CNTNAP5: variants seen among roughly 807,000 people sequenced by gnomAD.
CNTNAP5 encodes the protein contactin-associated protein-like 5.
Under a neutral mutation model 150.2 loss-of-function variants are expected in CNTNAP5, and 72 were observed. That is an observed-to-expected ratio of 0.48 (90% CI 0.40 to 0.58). The LOEUF is 0.58. Among genes scored for constraint, CNTNAP5 ranks in the 20% least tolerant of loss-of-function variants. CNTNAP5 has a pLI of 0.00. For synonymous variants in CNTNAP5, 672 were observed against 619.8 expected (o/e 1.08, Z -1.25); for missense variants, 1,636 against 1,626.2 (o/e 1.01, Z -0.10).
chr2:124,451,750 A>C (rs1445979569), intron 6 of CNTNAP5, among the ~76,000 whole-genome samples: 1 of 152,092 alleles, frequency 6.6e-6, no homozygotes, highest in African/African-American at 2.4e-5. Flanking sequence ...ATCATCCCAC[A>C]AAAGGAGGAT....
intron 14 of CNTNAP5, among the ~76,000 whole-genome samples, chr2:124,761,403 C>T (rs11899245): frequency 0.18 from 27,123 of 152,064 alleles, 3,205 homozygotes; most frequent in Middle Eastern, 0.28. Context: ...TTTATTGGTC[C>T]AGTCAGTGTG....
At chr2:124,192,408 T>A (rs1573823875) in intron 1 of CNTNAP5, among the ~76,000 whole-genome samples, 1 of 152,092 alleles carries the variant, frequency 6.6e-6, no homozygotes, top group African/African-American at 2.4e-5. Flanking sequence ...ACTGTGGCTG[T>A]CTAGGGTGAT....
intron 3 of CNTNAP5, among the ~76,000 whole-genome samples, chr2:124,391,816 C>T (rs56121610): frequency 0.1 from 15,732 of 151,878 alleles, 1,184 homozygotes; most frequent in African/African-American, 0.22. Flanking sequence ...ATTAGCCGGG[C>T]GCGGTGGCGG....
intron 1 of CNTNAP5, among the ~76,000 whole-genome samples, chr2:124,166,534 G>C (rs1573805175): frequency 6.6e-6 from 1 of 152,116 alleles, no homozygotes; most frequent in Admixed American, 6.6e-5. Flanking sequence ...AGATCATTCA[G>C]CTACTTATTG....
intron 13 of CNTNAP5, among the ~76,000 whole-genome samples, chr2:124,684,724 A>C (rs1336052085): frequency 6.6e-6 from 1 of 152,198 alleles, no homozygotes; most frequent in Non-Finnish European, 1.5e-5. Flanking sequence ...GATAGCTCTT[A>C]TTTAATTATT....
intron 12 of CNTNAP5, among the ~76,000 whole-genome samples, chr2:124,625,703 A>G (rs1027288191): frequency 6.6e-6 from 1 of 152,172 alleles, no homozygotes; most frequent in Non-Finnish European, 1.5e-5. Flanking sequence ...TTTACTGCAG[A>G]TAACTGGTGA....
intron 13 of CNTNAP5, among the ~76,000 whole-genome samples, chr2:124,687,554 G>T (rs1366440245): frequency 6.6e-6 from 1 of 151,846 alleles, no homozygotes; most frequent in Non-Finnish European, 1.5e-5. Context: ...TCTCTTGAGT[G>T]CTTGGAGAAT....
chr2:124,756,801 A>G (rs1437386743), intron 14 of CNTNAP5, among the ~76,000 whole-genome samples: 2 of 152,134 alleles, frequency 1.3e-5, no homozygotes, highest in Admixed American at 6.6e-5. Flanking sequence ...AGCATCAGGA[A>G]GAATAGCTAC....
At chr2:124,866,025 A>G (rs1677624499) in intron 20 of CNTNAP5, among the ~76,000 whole-genome samples, 1 of 151,892 alleles carries the variant, frequency 6.6e-6, no homozygotes, top group African/African-American at 2.4e-5. Flanking sequence ...ACACTTTGGG[A>G]GGCTGAGGCA....
chr2:124,569,773 G>A (rs1349529760), intron 11 of CNTNAP5, among the ~76,000 whole-genome samples: 2 of 152,162 alleles, frequency 1.3e-5, no homozygotes, highest in African/African-American at 4.8e-5. Flanking sequence ...GCCTGATGTA[G>A]TGCTTCTTCT....
chr2:124,457,011 A>G (rs1693135199), intron 6 of CNTNAP5, among the ~76,000 whole-genome samples: 1 of 152,232 alleles, frequency 6.6e-6, no homozygotes, highest in Non-Finnish European at 1.5e-5. Context: ...TTGGGCAAAG[A>G]TTTCATGACT....
chr2:124,500,519 A>G (rs1040192125), intron 7 of CNTNAP5, among the ~76,000 whole-genome samples: 2 of 152,140 alleles, frequency 1.3e-5, no homozygotes, highest in African/African-American at 4.8e-5. Flanking sequence ...CAAGTGTGAT[A>G]ATATATCCAA....
At position 124,670,134 on chromosome 2, in the gene CNTNAP5, T is replaced by TTCCTTCCC. The variant is rs1678783677; in HGVS notation, c.2077+22183_2077+22184insCTCCTTCC. On this transcript the variant is annotated intron_variant, in intron 13 of 23. Transcript: ENST00000682447. ...CCTTCCTTTCCTTTTCCTTCCTTCT[T>TTCCTTCCC]TCCTTCCTTCCTTCCTTCCTTCCTT... is the stretch of plus-strand genomic sequence containing the variant. Among the ~76,000 whole-genome samples, 6 of 6,960 alleles carry TTCCTTCCC rather than the reference T, an allele frequency of 8.6e-4. No individual in the cohort carries two copies. In the Admixed American group the frequency reaches 0.02, roughly 24 times the overall value. The allele number at this position is 6,960 out of a possible 152,430, so 4.6% of individuals were successfully genotyped here.
intron 21 of CNTNAP5, among the ~76,000 whole-genome samples, chr2:124,880,375 A>C (rs1284777639): frequency 6.6e-6 from 1 of 152,122 alleles, no homozygotes; most frequent in African/African-American, 2.4e-5. Flanking sequence ...TAAATAAGTA[A>C]ATCATTCTAC....
chr2:124,034,321 A>G (rs1297626312), intron 1 of CNTNAP5, among the ~76,000 whole-genome samples: 3 of 152,226 alleles, frequency 2.0e-5, no homozygotes, highest in African/African-American at 7.2e-5. Context: ...TCTCATAATA[A>G]CTAATAATAC....
At chr2:124,148,851 TATAG>T (rs1165409117) in intron 1 of CNTNAP5, among the ~76,000 whole-genome samples, 1 of 148,982 alleles carries the variant, frequency 6.7e-6, no homozygotes, top group East Asian at 1.9e-4. Flanking sequence ...ACTATGCATC[TATAG>T]AGAGAGAGGT....
At chr2:124,813,575 C>T (rs1682286822) in intron 19 of CNTNAP5, among the ~76,000 whole-genome samples, 1 of 151,664 alleles carries the variant, frequency 6.6e-6, no homozygotes, top group African/African-American at 2.4e-5. Flanking sequence ...ACTTGGTTGT[C>T]CCCTAGGCCT....
At chr2:124,208,036 C>A (rs1420793109) in intron 1 of CNTNAP5, among the ~76,000 whole-genome samples, 1 of 152,138 alleles carries the variant, frequency 6.6e-6, no homozygotes, top group Non-Finnish European at 1.5e-5. Context: ...GTAGAGCATG[C>A]TGAAGTATTT....
rs552910450 is a variant in CNTNAP5, at chr2:124,282,205, C to T, written c.381+39812C>T. Among the ~76,000 whole-genome samples the T allele has an allele frequency of 2.0e-5, 3 of 152,198 alleles. No individual in the cohort carries two copies. In the East Asian group the frequency reaches 5.8e-4, roughly 29 times the overall value. Reference sequence around the variant, plus strand: ...ATCTGACACACTTGTGTTTGAATGCCAGATTATTAGTATACTAACGGTGCA... The same window carrying T: ...ATCTGACACACTTGTGTTTGAATGCTAGATTATTAGTATACTAACGGTGCA... On this transcript the variant is annotated intron_variant, in intron 3 of 23. Coordinates refer to ENST00000682447, the MANE Select transcript of CNTNAP5 (RefSeq NM_001367498.1).
Sources: allele counts gnomAD v4.1 joint callset (sites outside exome capture counted in the v4.1 genomes callset), GRCh38; gene constraint gnomAD v4.1.1; transcripts MANE v1.5; gene names NCBI Gene and HGNC (gene_info 2026-07-23, HGNC 2026-07-21).